The following CFAP74 variants were observed in gnomAD, a reference collection of about 807,000 sequenced individuals.
CFAP74 encodes the protein cilia- and flagella-associated protein 74.
A neutral mutation model predicts 188.9 loss-of-function variants in CFAP74; 124 were observed. The observed-to-expected ratio is 0.66, with a 90% CI of 0.57 to 0.76. The LOEUF is 0.76. Among genes scored for constraint, CFAP74 ranks in the 30% least tolerant of loss-of-function variants. The pLI is 0.00. For missense variants in CFAP74, 2,198 were observed against 2,165.2 expected (o/e 1.02, Z -0.30); for synonymous variants, 956 against 916.7 (o/e 1.04, Z -0.77).
At chr1:1,927,125 C>T in intron 28 of CFAP74, 97 bp from the exon 29 acceptor site, 1 of 1,434,366 alleles carries the variant, frequency 7.0e-7, no homozygotes, top group Non-Finnish European at 9.4e-7. Flanking sequence ...CCCAGGGTCC[C>T]AGGGTCCCAA....
intron 1 of CFAP74, among the ~76,000 whole-genome samples, chr1:1,994,383 T>C (rs1657802021): frequency 6.6e-6 from 1 of 152,206 alleles, no homozygotes; most frequent in Non-Finnish European, 1.5e-5. Context: ...CGCTTCAGAA[T>C]AATTCACTAA....
intron 18 of CFAP74, among the ~76,000 whole-genome samples, chr1:1,948,579 C>T (rs1353325120): frequency 7.2e-6 from 1 of 138,872 alleles, no homozygotes; most frequent in Non-Finnish European, 1.5e-5. Flanking sequence ...CTAGTCTTTT[C>T]TTTCCTTTCT....
Position 1,942,068 on chromosome 1 carries a change from C to T in CFAP74, c.2575G>A (p.Ala859Thr), listed in dbSNP as rs1462866369. Residue 859 changes from alanine (A) to threonine (T), a missense_variant, in exon 22 of 39, where the codon GCA becomes ACA. Transcript: ENST00000682832. This position sits in a 1 kb window ranked among gnomAD's most constrained non-coding sequence, Gnocchi z 4.3. ...ELLPKTGYIQ[A>T]QSSYSVQLKF... ...AGCTGCACGGAGTAGGACGACTGTGCCTGGATATAGCCTGTCTTGGGCAGG... is the reference window on the plus strand; with the variant it reads ...AGCTGCACGGAGTAGGACGACTGTGTCTGGATATAGCCTGTCTTGGGCAGG... 1.3e-6 allele frequency: 2 copies of T among 1,532,054 alleles called. No homozygotes were observed. The highest frequency in any genetic ancestry group is 1.2e-5 in the South Asian group (1 of 83,508). The allele number at this position is 1,532,054 out of a possible 1,614,324, so 94.9% of individuals were successfully genotyped here. A position where few individuals can be genotyped will look rare whatever the true frequency, so the allele number is the denominator to read the frequency against.
rs1651534744 is a variant in CFAP74 at position 1,923,269 on chromosome 1, G to C, written c.4522+98C>G. ...GCTTGGCTCTGGGGTAGAAGGCTGG[G>C]AATCCCTGCCCTGCTCCGCTGGGTC... On this transcript the variant is annotated intron_variant, in intron 36 of 38. Transcript: ENST00000682832. This position sits in a 1 kb window ranked among gnomAD's most constrained non-coding sequence, Gnocchi z 6.3. The C allele has an allele frequency of 1.3e-6, 2 of 1,493,968 alleles. No homozygotes were observed. The highest frequency in any genetic ancestry group is 1.8e-6 in the Non-Finnish European group (2 of 1,113,632). 92.5% of individuals were successfully genotyped at this position (1,493,968 alleles called of 1,614,324 possible).
rs552997945 is a variant in CFAP74, at chr1:1,955,958, C to A, written c.2017-108G>T. 8 of 1,461,886 alleles carry A rather than the reference C, an allele frequency of 5.5e-6. No homozygotes were observed. The African/African-American group carries it at 7.0e-5, about 13-fold the overall frequency. The allele number at this position is 1,461,886 out of a possible 1,614,324, so 90.6% of individuals were successfully genotyped here. A position where few individuals can be genotyped will look rare whatever the true frequency, so the allele number is the denominator to read the frequency against. ...GGCCGTGTTGGGGGCTGGACCCTGGCTCCAGCGTGGCCCCTCAGCTGCCTC... is the reference window on the plus strand; with the variant it reads ...GGCCGTGTTGGGGGCTGGACCCTGGATCCAGCGTGGCCCCTCAGCTGCCTC... On this transcript the variant is annotated intron_variant, in intron 17 of 38. Coordinates refer to ENST00000682832, the MANE Select transcript of CFAP74 (RefSeq NM_001304360.2).
intron 26 of CFAP74, 128 bp downstream of exon 26, chr1:1,929,932 T>C: frequency 9.0e-7 from 1 of 1,105,840 alleles, no homozygotes; most frequent in Non-Finnish European, 1.2e-6. Flanking sequence ...AGGGTCAGGT[T>C]CACTCCCGCC....
At chr1:1,956,546 C>T in intron 17 of CFAP74, 74 bp downstream of exon 17, 1 of 1,574,152 alleles carries the variant, frequency 6.4e-7, no homozygotes, top group Non-Finnish European at 8.7e-7. Context: ...ATGTTGTCAC[C>T]TCTGTTCACC....
intron 6 of CFAP74, among the ~76,000 whole-genome samples, chr1:1,981,671 G>A (rs1431521482): frequency 8.5e-6 from 1 of 117,392 alleles, no homozygotes. Context: ...GGGGCACGCA[G>A]GACACCCAGC....
chr1:1,998,325 G>T (rs541730950), intron 1 of CFAP74, among the ~76,000 whole-genome samples: 1 of 152,104 alleles, frequency 6.6e-6, no homozygotes, highest in Non-Finnish European at 1.5e-5. Context: ...TGATGATTTT[G>T]TGGTTATGCT....
rs147004411 is a variant in CFAP74, at chr1:1,957,688, C to T, written c.1852-904G>A. Among the ~76,000 whole-genome samples, 546 of 152,254 alleles carry T rather than the reference C, an allele frequency of 3.6e-3. 4 individuals carry two copies. Among genetic ancestry groups the T allele is most frequent in the African/African-American group, 0.013 (531 of 41,540 alleles). Reference sequence around the variant, plus strand: ...CGGGCACGTGCTCCATGATGCTGATCCGGAGTGGAGCAGGCCAGTACCAGA... The same window carrying T: ...CGGGCACGTGCTCCATGATGCTGATTCGGAGTGGAGCAGGCCAGTACCAGA... On this transcript the variant is annotated intron_variant, in intron 16 of 38. Coordinates refer to ENST00000682832, the MANE Select transcript of CFAP74 (RefSeq NM_001304360.2).
At chr1:1,985,558 C>T (rs1323240010) in intron 5 of CFAP74, 68 bp from the exon 6 acceptor site, 9 of 1,187,026 alleles carry the variant, frequency 7.6e-6, no homozygotes, top group Non-Finnish European at 1.0e-5. Flanking sequence ...TCCAGGTTCA[C>T]CTGGCACTCC....
chr1:1,924,369 C>A, intron 34 of CFAP74, 22 bp downstream of exon 34: 2 of 194,372 alleles, frequency 1.0e-5, no homozygotes, highest in Non-Finnish European at 2.0e-5. Context: ...AGCTCACCAC[C>A]CACCCCCCAC....
At chr1:1,939,880 C>G in intron 23 of CFAP74, 113 bp from the exon 24 acceptor site, 1 of 1,040,782 alleles carries the variant, frequency 9.6e-7, no homozygotes, top group Non-Finnish European at 1.4e-6. Context: ...CCCACTGTTT[C>G]CAGGACACGA....
intron 18 of CFAP74, among the ~76,000 whole-genome samples, chr1:1,947,555 A>C (rs949346206): frequency 7.2e-5 from 11 of 152,232 alleles, no homozygotes; most frequent in African/African-American, 2.7e-4. Flanking sequence ...GGTCAGCAGC[A>C]AGGCCCCGGG....
Position 1,940,353 on chromosome 1 carries a change from ACTCGGGTCTC to A in CFAP74, c.2656_2665del (p.Glu886SerfsTer6). 1 of 1,535,690 alleles carries A rather than the reference ACTCGGGTCTC, an allele frequency of 6.5e-7. No individual in the cohort carries two copies. The highest frequency in any genetic ancestry group is 2.4e-5 in the East Asian group (1 of 40,874). Reference sequence around the variant, plus strand: ...CCATATGGTCATCGGGGCCTCCAGGACTCGGGTCTCCTTGTCAAAATACCTCCCTGCGTCC... The same window carrying A: ...CCATATGGTCATCGGGGCCTCCAGGACTTGTCAAAATACCTCCCTGCGTCC... On this transcript the variant is annotated frameshift_variant, in exon 23 of 39. Transcript: ENST00000682832. LOFTEE classifies it high-confidence loss of function.
intron 25 of CFAP74, among the ~76,000 whole-genome samples, chr1:1,932,074 AAAAAACAAAAAAC>A (rs1241922185): frequency 3.4e-5 from 2 of 58,380 alleles, no homozygotes; most frequent in Non-Finnish European, 9.8e-5. Flanking sequence ...CTCAAAAAAA[AAAAAACAAAAAAC>A]AAAAAACAAA....
intron 6 of CFAP74, among the ~76,000 whole-genome samples, chr1:1,976,240 G>T (rs538338100): frequency 6.6e-6 from 1 of 152,374 alleles, no homozygotes. Context: ...CAGGTCTCGT[G>T]TTGAACCGGA....
intron 16 of CFAP74, among the ~76,000 whole-genome samples, chr1:1,958,616 A>G (rs982726638): frequency 6.6e-6 from 1 of 152,168 alleles, no homozygotes; most frequent in Non-Finnish European, 1.5e-5. Flanking sequence ...TTGACATTTT[A>G]CTAATGTACT....
intron 33 of CFAP74, among the ~76,000 whole-genome samples, chr1:1,925,281 C>T (rs2092923): frequency 0.39 from 55,049 of 139,886 alleles, 13,156 homozygotes; most frequent in Admixed American, 0.52. Context: ...CGAGGGCACA[C>T]GCTGGTGCAA....
Sources: gnomAD v4.1 joint callset for allele counts (sites outside exome capture counted in the v4.1 genomes callset) on GRCh38, gnomAD v4.1.1 for gene constraint, Gnocchi (gnomAD v3.1) non-coding constraint, MANE v1.5 for transcripts, NCBI Gene and HGNC (gene_info 2026-07-23, HGNC 2026-07-21) for gene names.